Variants in SLFN5 observed in about 807,000 individuals in gnomAD.
SLFN5 encodes the protein schlafen family member 5.
SLFN5 carries 34 observed loss-of-function variants against 48.5 expected under a neutral mutation model. The ratio of observed to expected loss-of-function variants is 0.70; its 90% confidence interval spans 0.53 to 0.93. SLFN5 has a LOEUF of 0.93. Ranked by LOEUF, SLFN5 falls within the 40% of genes least tolerant of loss-of-function variation. SLFN5 has a pLI of 0.00. For missense variants in SLFN5, 1,006 were observed against 1,071.3 expected, an observed-to-expected ratio of 0.94 and a Z score of 0.85; for synonymous variants, 387 against 396.2, an observed-to-expected ratio of 0.98 and a Z score of 0.28.
chr17:35,266,175 T>G lies in SLFN5; in HGVS notation c.*287T>G, dbSNP rs201494837. 1 of 199,890 alleles carries G rather than the reference T, an allele frequency of 5.0e-6. No homozygotes were observed. The highest frequency in any genetic ancestry group is 3.0e-5 in the African/African-American group (1 of 33,558). 12.4% of individuals were successfully genotyped at this position (199,890 alleles called of 1,614,324 possible). A position where few individuals can be genotyped will look rare whatever the true frequency, so the allele number is the denominator to read the frequency against. ...GTGTGTGTGTGTGTGTGTGTGTGTGTGTGCGCGCGCGCACGTGCACATGTG... is the reference window on the plus strand; with the variant it reads ...GTGTGTGTGTGTGTGTGTGTGTGTGGGTGCGCGCGCGCACGTGCACATGTG... On this transcript the variant is annotated 3_prime_UTR_variant, in exon 5 of 5. Coordinates refer to ENST00000299977, the MANE Select transcript of SLFN5 (RefSeq NM_144975.4).
Position 35,265,677 on chromosome 17 carries a change from A to T in SLFN5, c.2465A>T (p.Glu822Val), listed in dbSNP as rs749654105. Residue 822 changes from glutamate (E) to valine (V), a missense_variant, in exon 5 of 5, where the codon GAG becomes GTG. Transcript: ENST00000299977. ...RKRKLSQLHE[E>V]SDLLLQIGDA... is the part of the protein sequence containing the mutation. ...AGAAAACTGTCTCAGCTCCATGAGG[A>T]GTCTGATCTGTTACTACAGATCGGT... The T allele has an allele frequency of 2.5e-6, 4 of 1,614,182 alleles. No homozygotes were observed. In the South Asian group the frequency reaches 4.4e-5, roughly 18 times the overall value.
chr17:35,245,891 G>A (rs547470548), intron 1 of SLFN5, among the ~76,000 whole-genome samples: 11 of 151,384 alleles, frequency 7.3e-5, no homozygotes, highest in African/African-American at 2.2e-4. Context: ...TATGGCAAGC[G>A]TACGCAGAAC....
intron 2 of SLFN5, among the ~76,000 whole-genome samples, 177 bp from the exon 3 acceptor site, chr17:35,260,794 T>G (rs1245669716): frequency 1.3e-5 from 2 of 152,224 alleles, no homozygotes; most frequent in Non-Finnish European, 2.9e-5. Context: ...TATGCTAGGT[T>G]ATTTTTTCCT....
chr17:35,265,399 C>G lies in SLFN5; in HGVS notation c.2187C>G (p.Ala729=). ...ACCTACAACAAGTAATGCAGGAAGC[C>G]CGACAAAATCCTCCACCTAACCTCC... ...ANYLQQVMQE[A]RQNPPPNLPP... is the part of the protein sequence containing the mutation. The change falls in exon 5 of 5, where the codon GCC becomes GCG. Residue 729 remains alanine, a synonymous_variant. Transcript: ENST00000299977. 2 of 1,614,120 alleles carry G rather than the reference C, an allele frequency of 1.2e-6. No homozygotes were observed. Among genetic ancestry groups the G allele is most frequent in the Non-Finnish European group, 1.7e-6 (2 of 1,180,028 alleles).
intron 3 of SLFN5, among the ~76,000 whole-genome samples, chr17:35,263,189 G>T (rs1230186834): frequency 6.6e-6 from 1 of 151,982 alleles, no homozygotes; most frequent in African/African-American, 2.4e-5. Flanking sequence ...GGAGTGCAGT[G>T]GTGTGACCTC....
rs1447336453 is a variant in SLFN5 at position 35,266,757 on chromosome 17, A to G, written c.*869A>G. ...TTTTGTTTTTCCATTTAATTTAATA[A>G]TCAACAAAACGACAAAGTCAGTTTA... On this transcript the variant is annotated 3_prime_UTR_variant, in exon 5 of 5. Transcript: ENST00000299977. 1.3e-5 allele frequency: 2 copies of G among 152,218 alleles called. No individual in the cohort carries two copies. Among genetic ancestry groups the G allele is most frequent in the East Asian group, 3.8e-4 (2 of 5,200 alleles). The allele number at this position is 152,218 out of a possible 1,614,324, so 9.4% of individuals were successfully genotyped here.
chr17:35,260,356 G>A (rs1466151611), intron 2 of SLFN5, among the ~76,000 whole-genome samples: 1 of 152,196 alleles, frequency 6.6e-6, no homozygotes, highest in Admixed American at 6.5e-5. Context: ...GTCCACCTCA[G>A]AATCTGCTCA....
intron 1 of SLFN5, among the ~76,000 whole-genome samples, chr17:35,257,535 G>A (rs149602408): frequency 2.8e-3 from 399 of 144,514 alleles, no homozygotes; most frequent in Admixed American, 4.0e-3. Flanking sequence ...CTTTGTTCCC[G>A]CTGGAGTAAA....
In SLFN5 at chr17:35,266,177, T is replaced by TGTGTGTGTGC. The variant is rs35160124; in HGVS notation, c.*290_*291insTGTGTGTGCG. The TGTGTGTGTGC allele has an allele frequency of 1.2e-3, 208 of 173,386 alleles. No individual in the cohort carries two copies. The highest frequency in any genetic ancestry group is 4.0e-3 in the African/African-American group (156 of 38,522). The allele number at this position is 173,386 out of a possible 1,614,324, so 10.7% of individuals were successfully genotyped here. ...GTGTGTGTGTGTGTGTGTGTGTGTG[T>TGTGTGTGTGC]GCGCGCGCGCACGTGCACATGTGTG... On this transcript the variant is annotated 3_prime_UTR_variant, in exon 5 of 5. Coordinates refer to ENST00000299977, the MANE Select transcript of SLFN5 (RefSeq NM_144975.4).
At chr17:35,252,260 T>G (rs1227356083) in intron 1 of SLFN5, among the ~76,000 whole-genome samples, 1 of 151,990 alleles carries the variant, frequency 6.6e-6, no homozygotes, top group African/African-American at 2.4e-5. Flanking sequence ...TAAGACCCTA[T>G]CTGTACAAAA....
rs1040593450 is a variant in SLFN5 at position 35,269,851 on chromosome 17, A to T, written c.*3963A>T. ...GGGTAGATCAAAACAACAAATGTCC[A>T]TTACAGCAATTAACAAAAGTTAGGG... On this transcript the variant is annotated 3_prime_UTR_variant, in exon 5 of 5. Coordinates refer to ENST00000299977, the MANE Select transcript of SLFN5 (RefSeq NM_144975.4). 4.6e-5 allele frequency: 7 copies of T among 152,232 alleles called. No homozygotes were observed. Among genetic ancestry groups the T allele is most frequent in the African/African-American group, 9.6e-5 (4 of 41,460 alleles). The allele number at this position is 152,232 out of a possible 1,614,324, so 9.4% of individuals were successfully genotyped here.
intron 3 of SLFN5, among the ~76,000 whole-genome samples, chr17:35,262,366 G>A (rs1904544716): frequency 1.4e-5 from 2 of 147,418 alleles, no homozygotes; most frequent in African/African-American, 2.5e-5. Flanking sequence ...GGCGACAGAG[G>A]GAGACTCCAT....
chr17:35,257,085 A>G (rs1007945744), intron 1 of SLFN5, among the ~76,000 whole-genome samples: 2 of 152,068 alleles, frequency 1.3e-5, no homozygotes, highest in Admixed American at 1.3e-4. Context: ...TCCTGAAACC[A>G]TCTCCTCACC....
intron 3 of SLFN5, among the ~76,000 whole-genome samples, chr17:35,263,110 C>T (rs180778368): frequency 2.6e-5 from 4 of 152,140 alleles, no homozygotes; most frequent in East Asian, 1.9e-4. Context: ...CTTGGAGTGA[C>T]CTGAATGGAC....
intron 3 of SLFN5, among the ~76,000 whole-genome samples, chr17:35,262,157 G>T (rs1356520303): frequency 1.3e-5 from 2 of 152,066 alleles, no homozygotes; most frequent in African/African-American, 4.8e-5. Flanking sequence ...AATGCAGGCG[G>T]ATCACAAGGT....
intron 1 of SLFN5, among the ~76,000 whole-genome samples, chr17:35,256,340 C>T (rs2142695407): frequency 6.6e-6 from 1 of 152,286 alleles, no homozygotes; most frequent in Non-Finnish European, 1.5e-5. Flanking sequence ...GCCTGGGCAA[C>T]AAGAAGTAGA....
At position 35,259,555 on chromosome 17, in the gene SLFN5, C is replaced by G. The variant is rs759783418; in HGVS notation, c.865C>G (p.Leu289Val). The G allele has an allele frequency of 3.1e-5, 50 of 1,613,870 alleles. No homozygotes were observed. The highest frequency in any genetic ancestry group is 4.1e-5 in the Non-Finnish European group (48 of 1,180,042). The change falls in exon 2 of 5, where the codon CTC becomes GTC. Residue 289 changes from leucine (L) to valine (V), a missense_variant. By Grantham distance (32) the Leu-to-Val change is conservative. Transcript: ENST00000299977. ...CCTTGAAGTGCATGATAAGGGGGCC[C>G]TCCGTGGATATGTCTGTGCAATCAA... ...NFLEVHDKGA[L>V]RGYVCAIKVE...
In SLFN5 at chr17:35,266,673, A is replaced by G. The variant is rs1322808909; in HGVS notation, c.*785A>G. The G allele has an allele frequency of 6.6e-6, 1 of 152,122 alleles. No individual in the cohort carries two copies. The highest frequency in any genetic ancestry group is 1.5e-5 in the Non-Finnish European group (1 of 68,024). The allele number at this position is 152,122 out of a possible 1,614,324, so 9.4% of individuals were successfully genotyped here. The stretch of plus-strand genomic sequence containing the variant: ...CAGGGAGGCACACTGTGTTTTACTG[A>G]TTGATTTGAAGATGATAGAGAGCCT... On this transcript the variant is annotated 3_prime_UTR_variant, in exon 5 of 5. Coordinates refer to ENST00000299977, the MANE Select transcript of SLFN5 (RefSeq NM_144975.4).
At chr17:35,257,869 A>C (rs1367526398) in intron 1 of SLFN5, among the ~76,000 whole-genome samples, 2 of 152,182 alleles carry the variant, frequency 1.3e-5, no homozygotes, top group East Asian at 1.9e-4. Flanking sequence ...CCCAAGTCTC[A>C]GGGAGAGGAG....
Sources: allele counts gnomAD v4.1 joint callset (sites outside exome capture counted in the v4.1 genomes callset), GRCh38; gene constraint gnomAD v4.1.1; transcripts MANE v1.5; gene names NCBI Gene and HGNC (gene_info 2026-07-23, HGNC 2026-07-21).